RNF220: variants seen among roughly 807,000 people sequenced by gnomAD.
RNF220 encodes E3 ubiquitin-protein ligase RNF220.
Under a neutral mutation model 67.1 loss-of-function variants are expected in RNF220, and 7 were observed. The observed-to-expected ratio is 0.10, with a 90% CI of 0.06 to 0.20. The LOEUF is 0.20. Among genes scored for constraint, RNF220 ranks in the 10% least tolerant of loss-of-function variants. RNF220 has a pLI of 1.00. For synonymous variants in RNF220, 270 were observed against 283.2 expected, an observed-to-expected ratio of 0.95 and a Z score of 0.47; for missense variants, 565 against 740.3, an observed-to-expected ratio of 0.76 and a Z score of 2.75.
intron 2 of RNF220, among the ~76,000 whole-genome samples, chr1:44,462,797 G>A (rs1418452470): frequency 6.6e-6 from 1 of 151,908 alleles, no homozygotes; most frequent in African/African-American, 2.4e-5. Context: ...GAGAGGCCGA[G>A]GTGGGCAGAT....
rs558343580 is a variant in RNF220 at position 44,647,279 on chromosome 1, CT to C, written c.1445+1792del. Among the ~76,000 whole-genome samples the C allele has an allele frequency of 3.3e-5, 5 of 152,332 alleles. No homozygotes were observed. The South Asian group carries it at 1.0e-3, about 32-fold the overall frequency. On this transcript the variant is annotated intron_variant, in intron 12 of 14. Coordinates refer to ENST00000361799, the MANE Select transcript of RNF220 (RefSeq NM_018150.4). ...CCATCTTTGACATAACTATATAGGACTAGGCAAATTCTCAGCTTAGTCCTTG... is the reference window on the plus strand; with the variant it reads ...CCATCTTTGACATAACTATATAGGACAGGCAAATTCTCAGCTTAGTCCTTG...
intron 2 of RNF220, among the ~76,000 whole-genome samples, chr1:44,430,746 C>T (rs996460508): frequency 7.9e-5 from 12 of 152,140 alleles, no homozygotes; most frequent in African/African-American, 2.7e-4. Context: ...AGGGTTTCAC[C>T]ATCTTGGCCA....
chr1:44,531,085 G>C (rs1660796953), intron 2 of RNF220, among the ~76,000 whole-genome samples: 1 of 152,200 alleles, frequency 6.6e-6, no homozygotes, highest in Non-Finnish European at 1.5e-5. Flanking sequence ...TCAACATTTA[G>C]AATTATGGCA....
chr1:44,428,380 T>C (rs1317873311), intron 2 of RNF220, among the ~76,000 whole-genome samples: 1 of 152,192 alleles, frequency 6.6e-6, no homozygotes, highest in South Asian at 2.1e-4. Flanking sequence ...AAATTTGAAC[T>C]GGGAAGGAAC....
intron 2 of RNF220, among the ~76,000 whole-genome samples, chr1:44,524,900 G>A (rs930315156): frequency 2.6e-5 from 4 of 152,138 alleles, no homozygotes; most frequent in Admixed American, 1.3e-4. Flanking sequence ...GAGAGCTCTC[G>A]TTGAGCTTTT....
At chr1:44,639,108 A>G (rs1644414783) in intron 8 of RNF220, among the ~76,000 whole-genome samples, 1 of 152,232 alleles carries the variant, frequency 6.6e-6, no homozygotes. Context: ...TTTCTTGGGT[A>G]CCATGCCAAA....
intron 2 of RNF220, among the ~76,000 whole-genome samples, chr1:44,585,307 G>C (rs1665617400): frequency 6.6e-6 from 1 of 152,188 alleles, no homozygotes. Flanking sequence ...GGCTCCAGCA[G>C]TGATCCTCTG....
intron 2 of RNF220, among the ~76,000 whole-genome samples, chr1:44,564,704 A>T (rs1349236211): frequency 6.7e-6 from 1 of 148,822 alleles, no homozygotes; most frequent in Non-Finnish European, 1.5e-5. Context: ...GTGAGCAGAG[A>T]TGGCACCATT....
chr1:44,520,874 G>A (rs547549074), intron 2 of RNF220, among the ~76,000 whole-genome samples: 52 of 152,210 alleles, frequency 3.4e-4, no homozygotes, highest in African/African-American at 1.2e-3. Flanking sequence ...TAATAAACTG[G>A]GATGATCTAA....
chr1:44,635,944 G>A, intron 7 of RNF220, 86 bp from the exon 8 acceptor site: 1 of 1,592,070 alleles, frequency 6.3e-7, no homozygotes, highest in South Asian at 1.1e-5. Context: ...ACCACAGCTG[G>A]GGCTAGAGCT....
chr1:44,578,157 T>C (rs961250938), intron 2 of RNF220, among the ~76,000 whole-genome samples: 1 of 146,768 alleles, frequency 6.8e-6, no homozygotes, highest in Non-Finnish European at 1.5e-5. Flanking sequence ...TTTTTTTTTT[T>C]TTTTTTGTTG....
In RNF220 at chr1:44,417,319, A is replaced by G. The variant is rs1201476518; in HGVS notation, c.625+4597A>G. Among the ~76,000 whole-genome samples the G allele has an allele frequency of 6.6e-6, 1 of 150,464 alleles. No individual in the cohort carries two copies. The highest frequency in any genetic ancestry group is 1.5e-5 in the Non-Finnish European group (1 of 66,720). ...GGTTGTTTCTGGTTGTTCACTCCCA[A>G]CACAGTCATGGAGACTCTTTTTCAT... On this transcript the variant is annotated intron_variant, in intron 2 of 14. Transcript: ENST00000361799. This position sits in a 1 kb window ranked among gnomAD's most constrained non-coding sequence, Gnocchi z 4.0.
At chr1:44,637,194 C>T (rs1644354988) in intron 8 of RNF220, among the ~76,000 whole-genome samples, 1 of 152,242 alleles carries the variant, frequency 6.6e-6, no homozygotes, top group South Asian at 2.1e-4. Context: ...GTGGTCTCTG[C>T]AGGGCCGTCC....
chr1:44,518,874 A>G (rs1659675178), intron 2 of RNF220, among the ~76,000 whole-genome samples: 1 of 144,080 alleles, frequency 6.9e-6, no homozygotes, highest in Non-Finnish European at 1.5e-5. Context: ...GACTCCGTCT[A>G]AAAAACAAAA....
intron 2 of RNF220, among the ~76,000 whole-genome samples, chr1:44,455,779 C>T (rs1296798169): frequency 2.0e-5 from 3 of 152,164 alleles, no homozygotes; most frequent in Non-Finnish European, 4.4e-5. Context: ...TACATAAATA[C>T]AACACAGATT....
intron 2 of RNF220, among the ~76,000 whole-genome samples, chr1:44,418,934 G>A (rs1253934000): frequency 6.6e-6 from 1 of 152,048 alleles, no homozygotes; most frequent in African/African-American, 2.4e-5. Flanking sequence ...CATCCATGTG[G>A]TTAATAAATA....
chr1:44,601,885 G>C (rs1443277785), intron 2 of RNF220, among the ~76,000 whole-genome samples: 1 of 152,188 alleles, frequency 6.6e-6, no homozygotes, highest in African/African-American at 2.4e-5. Flanking sequence ...AGCCGCCTGA[G>C]TGTCTGAGAC....
intron 3 of RNF220, among the ~76,000 whole-genome samples, chr1:44,615,645 A>C (rs1643514597): frequency 6.6e-6 from 1 of 152,178 alleles, no homozygotes; most frequent in African/African-American, 2.4e-5. Context: ...CAGGCAGTAC[A>C]AACCCAGAGG....
Position 44,622,393 on chromosome 1 carries a change from A to G in RNF220, c.759-349A>G, listed in dbSNP as rs1305259075. ...CAGGAGCTAAGAGCGGGCTGGGAAC[A>G]GGGGGTGGAGAGAAGGGGGTCTCCA... On this transcript the variant is annotated intron_variant, in intron 3 of 14. Coordinates refer to ENST00000361799, the MANE Select transcript of RNF220 (RefSeq NM_018150.4). The surrounding 1 kb of genome is among the most constrained non-coding windows in gnomAD (Gnocchi z 4.3). Among the ~76,000 whole-genome samples the G allele has an allele frequency of 6.6e-6, 1 of 152,186 alleles. No individual in the cohort carries two copies. Among genetic ancestry groups the G allele is most frequent in the African/African-American group, 2.4e-5 (1 of 41,440 alleles).
Sources: allele counts gnomAD v4.1 joint callset (sites outside exome capture counted in the v4.1 genomes callset), GRCh38; gene constraint gnomAD v4.1.1; non-coding constraint Gnocchi (gnomAD v3.1); transcripts MANE v1.5; gene names NCBI Gene and HGNC (gene_info 2026-07-23, HGNC 2026-07-21).